Variants in MAST4 observed in about 807,000 individuals in gnomAD.
The protein encoded by MAST4 is microtubule associated serine/threonine kinase family member 4.
Under a neutral mutation model 162.7 loss-of-function variants are expected in MAST4, and 89 were observed. That is an observed-to-expected ratio of 0.55 (90% CI 0.46 to 0.65). The LOEUF (loss-of-function observed/expected upper bound fraction) is 0.65. MAST4 is among the 30% of genes least tolerant of loss of function. MAST4 has a pLI of 0.00. For synonymous variants in MAST4, 1,479 were observed against 1,361.1 expected (o/e 1.09, Z -1.91); for missense variants, 3,153 against 3,374.0 (o/e 0.93, Z 1.62).
At chr5:66,620,620 G>T (rs1270397214) in intron 1 of MAST4, among the ~76,000 whole-genome samples, 1 of 152,096 alleles carries the variant, frequency 6.6e-6, no homozygotes, top group Non-Finnish European at 1.5e-5. Flanking sequence ...CTCATTTATG[G>T]GAATGGTAAT....
intron 1 of MAST4, among the ~76,000 whole-genome samples, chr5:66,744,010 T>G (rs1242693081): frequency 6.6e-6 from 1 of 152,144 alleles, no homozygotes; most frequent in Non-Finnish European, 1.5e-5. Context: ...GGCCACTTTC[T>G]TCTCTTTTCC....
intron 4 of MAST4, among the ~76,000 whole-genome samples, chr5:66,996,129 A>G (rs1750613825): frequency 6.6e-6 from 1 of 151,834 alleles, no homozygotes; most frequent in Non-Finnish European, 1.5e-5. Flanking sequence ...AATACACAAA[A>G]TTAGCTGCGC....
intron 3 of MAST4, among the ~76,000 whole-genome samples, chr5:66,840,430 C>T (rs1758337943): frequency 6.6e-6 from 1 of 152,218 alleles, no homozygotes; most frequent in Non-Finnish European, 1.5e-5. Context: ...CTCACAGATT[C>T]ATTTTCCATT....
At chr5:66,769,177 T>C (rs1425638498) in intron 2 of MAST4, among the ~76,000 whole-genome samples, 1 of 152,210 alleles carries the variant, frequency 6.6e-6, no homozygotes, top group African/African-American at 2.4e-5. Flanking sequence ...GTACTGGGTA[T>C]ACTGGTTCCA....
intron 1 of MAST4, among the ~76,000 whole-genome samples, chr5:66,628,508 A>G (rs1004301604): frequency 2.6e-5 from 4 of 152,104 alleles, no homozygotes; most frequent in Non-Finnish European, 4.4e-5. Flanking sequence ...CCTATTGATT[A>G]TAGAGGGAAT....
intron 3 of MAST4, among the ~76,000 whole-genome samples, chr5:66,895,841 T>C (rs1451044543): frequency 6.6e-6 from 1 of 152,210 alleles, no homozygotes; most frequent in Non-Finnish European, 1.5e-5. Context: ...ACACTTTCTT[T>C]CACATTTTGG....
chr5:67,147,026 C>G (rs1309850615), intron 23 of MAST4, among the ~76,000 whole-genome samples: 1 of 152,034 alleles, frequency 6.6e-6, no homozygotes, highest in Non-Finnish European at 1.5e-5. Context: ...GTCTCCTCAG[C>G]CTGCTCACTA....
intron 1 of MAST4, among the ~76,000 whole-genome samples, chr5:66,615,732 C>T (rs1466420230): frequency 6.6e-6 from 1 of 151,994 alleles, no homozygotes; most frequent in Non-Finnish European, 1.5e-5. Context: ...GGATTGAGCC[C>T]AGGAATTTGA....
At chr5:66,902,026 C>T (rs1580815726) in intron 4 of MAST4, among the ~76,000 whole-genome samples, 1 of 152,186 alleles carries the variant, frequency 6.6e-6, no homozygotes, top group Middle Eastern at 3.4e-3. Context: ...CATAATAGTA[C>T]CTGAGAATTA....
intron 2 of MAST4, among the ~76,000 whole-genome samples, chr5:66,784,867 G>T (rs540816606): frequency 6.6e-6 from 1 of 152,228 alleles, no homozygotes; most frequent in Admixed American, 6.5e-5. Flanking sequence ...TTAGAGATGG[G>T]AATATTGGGG....
At chr5:67,040,172 AGAGT>A (rs1756552196) in intron 4 of MAST4, among the ~76,000 whole-genome samples, 1 of 152,154 alleles carries the variant, frequency 6.6e-6, no homozygotes, top group South Asian at 2.1e-4. Flanking sequence ...TTGAACACTG[AGAGT>A]GAGTTATCTA....
At chr5:66,700,458 G>T (rs966254801) in intron 1 of MAST4, among the ~76,000 whole-genome samples, 1 of 151,938 alleles carries the variant, frequency 6.6e-6, no homozygotes, top group Non-Finnish European at 1.5e-5. Context: ...CTGGTGGGTG[G>T]ATCACCTGAG....
intron 3 of MAST4, among the ~76,000 whole-genome samples, chr5:66,793,750 C>CT (rs1755526560): frequency 6.6e-6 from 1 of 152,174 alleles, no homozygotes; most frequent in Non-Finnish European, 1.5e-5. Context: ...GTGAAGGTTT[C>CT]ATTCACATTC....
intron 3 of MAST4, among the ~76,000 whole-genome samples, chr5:66,797,711 C>A (rs1045557700): frequency 1.3e-5 from 2 of 152,144 alleles, no homozygotes; most frequent in African/African-American, 2.4e-5. Context: ...ACTTGACCTG[C>A]AGGTGTCTGG....
chr5:66,612,362 G>C (rs770567507), intron 1 of MAST4, among the ~76,000 whole-genome samples: 5 of 152,208 alleles, frequency 3.3e-5, no homozygotes, highest in Non-Finnish European at 7.3e-5. Context: ...TGCTGGTAAA[G>C]ACTCCATTAT....
At chr5:66,697,500 A>C (rs775998029) in intron 1 of MAST4, among the ~76,000 whole-genome samples, 3 of 152,210 alleles carry the variant, frequency 2.0e-5, no homozygotes, top group Non-Finnish European at 4.4e-5. Flanking sequence ...CAATTATCTG[A>C]AAGTCTGTTA....
intron 3 of MAST4, among the ~76,000 whole-genome samples, chr5:66,827,786 A>G (rs751450772): frequency 1.3e-5 from 2 of 152,218 alleles, no homozygotes; most frequent in African/African-American, 4.8e-5. Flanking sequence ...TGGTCCTTGT[A>G]TCTCTCTCAG....
At chr5:66,974,924 C>T (rs938379941) in intron 4 of MAST4, among the ~76,000 whole-genome samples, 3 of 152,164 alleles carry the variant, frequency 2.0e-5, no homozygotes, top group Non-Finnish European at 2.9e-5. Context: ...TGATGTATGT[C>T]ATGGGCTGAA....
intron 4 of MAST4, among the ~76,000 whole-genome samples, chr5:66,948,936 C>T (rs189475116): frequency 4.3e-4 from 66 of 152,220 alleles, no homozygotes; most frequent in African/African-American, 1.5e-3. Context: ...ATTTAATTCA[C>T]ACCCCCCCAA....
Sources: gnomAD v4.1 joint callset for allele counts (sites outside exome capture counted in the v4.1 genomes callset) on GRCh38, gnomAD v4.1.1 for gene constraint, MANE v1.5 for transcripts, NCBI Gene and HGNC (gene_info 2026-07-23, HGNC 2026-07-21) for gene names.